Variants in ACBD5 observed in about 807,000 individuals in gnomAD.
ACBD5 encodes acyl-CoA binding domain containing 5, also known as acyl-CoA-binding domain-containing protein 5.
Under a neutral mutation model 71.8 loss-of-function variants are expected in ACBD5, and 40 were observed. The observed-to-expected ratio is 0.56, with a 90% CI of 0.43 to 0.72. The LOEUF (loss-of-function observed/expected upper bound fraction) is 0.72. Ranked by LOEUF, ACBD5 falls within the 30% of genes least tolerant of loss-of-function variation. The probability of loss-of-function intolerance (pLI) is 0.00; values close to 1 mark genes in which losing one functional copy is unlikely to be tolerated. For synonymous variants in ACBD5, 229 were observed against 218.6 expected (o/e 1.05, Z -0.42); for missense variants, 559 against 644.5 (o/e 0.87, Z 1.44).
At chr10:27,212,104 T>A (rs2061148527) in intron 8 of ACBD5, among the ~76,000 whole-genome samples, 2 of 152,112 alleles carry the variant, frequency 1.3e-5, no homozygotes, top group Non-Finnish European at 2.9e-5. Context: ...ATCCCAGCAG[T>A]TTGGGAGGCC....
intron 7 of ACBD5, among the ~76,000 whole-genome samples, chr10:27,216,855 G>A (rs1190783556): frequency 6.6e-6 from 1 of 151,920 alleles, no homozygotes; most frequent in Non-Finnish European, 1.5e-5. Flanking sequence ...ATTACGAAAT[G>A]ATGTTTCTTG....
Position 27,186,020 on chromosome 10 carries a change from C to T in ACBD5, c.1494-3305G>A, listed in dbSNP as rs572274352. On this transcript the variant is annotated intron_variant, in intron 13 of 13. Coordinates refer to the ACBD5 transcript ENST00000676511. Reference sequence around the variant, plus strand: ...AGGAGAATCGCTTGAACCCGGGAGGCGGCGGTTGCAGTGAGCAGAGATCGC... The same window carrying T: ...AGGAGAATCGCTTGAACCCGGGAGGTGGCGGTTGCAGTGAGCAGAGATCGC... Among the ~76,000 whole-genome samples, 75 of 152,136 alleles carry T rather than the reference C, an allele frequency of 4.9e-4. 1 individual carries two copies. Among genetic ancestry groups the T allele is most frequent in the African/African-American group, 1.5e-3 (64 of 41,512 alleles).
rs976789429 is a variant in ACBD5 at position 27,195,469 on chromosome 10, A to G, written c.*1961T>C. 2 of 454,330 alleles carry G rather than the reference A, an allele frequency of 4.4e-6. No individual in the cohort carries two copies. Among genetic ancestry groups the G allele is most frequent in the African/African-American group, 4.0e-5 (2 of 50,020 alleles). The allele number at this position is 454,330 out of a possible 1,614,324, so 28.1% of individuals were successfully genotyped here. A position where few individuals can be genotyped will look rare whatever the true frequency, so the allele number is the denominator to read the frequency against. ...GAGTTAGTTATCCCAGACTGCTTGT[A>G]ATGATTCACAACTGCTTACACTCTT... is the stretch of plus-strand genomic sequence containing the variant. On this transcript the variant is annotated 3_prime_UTR_variant, in exon 13 of 13. Transcript: ENST00000396271.
rs2062098315 is a variant in ACBD5, at chr10:27,219,746, T to G, written c.602A>C (p.Lys201Thr). The G allele has an allele frequency of 3.7e-6, 6 of 1,613,970 alleles. No individual in the cohort carries two copies. The highest frequency in any genetic ancestry group is 5.1e-6 in the Non-Finnish European group (6 of 1,179,974). ...SEEEEAQEEV[K>T]GAEQSDNDKK... Reference sequence around the variant, plus strand: ...ACCATTATCACTTTGTTCTGCTCCTTTCACTTCTTCTTGGGCCTCTTCTTC... The same window carrying G: ...ACCATTATCACTTTGTTCTGCTCCTGTCACTTCTTCTTGGGCCTCTTCTTC... The change falls in exon 6 of 13, where the codon AAA becomes ACA. Residue 201 changes from lysine (K) to threonine (T), a missense_variant. Coordinates refer to ENST00000396271, the MANE Select transcript of ACBD5 (RefSeq NM_145698.5).
At chr10:27,189,222 T>C (rs1386872938) in intron 13 of ACBD5, among the ~76,000 whole-genome samples, 2 of 152,226 alleles carry the variant, frequency 1.3e-5, no homozygotes, top group African/African-American at 4.8e-5. Context: ...TACAAATGTA[T>C]TGTTCTTTGT....
Position 27,231,778 on chromosome 10 carries a change from G to A in ACBD5, c.345C>T (p.Ala115=), listed in dbSNP as rs1384897390. 3.7e-6 allele frequency: 6 copies of A among 1,613,560 alleles called. No individual in the cohort carries two copies. The African/African-American group carries it at 6.7e-5, about 18-fold the overall frequency. ...TCATTTCTTCAACATATGCAATCAT[G>A]GCTTCCTCTTTGGTCATATCACCCA... The part of the protein sequence containing the change: ...SSLGDMTKEE[A]MIAYVEEMKK... Residue 115 remains alanine (A), a synonymous_variant, in exon 4 of 13, where the codon GCC becomes GCT. Coordinates refer to ENST00000396271, the MANE Select transcript of ACBD5 (RefSeq NM_145698.5).
intron 12 of ACBD5, among the ~76,000 whole-genome samples, chr10:27,201,991 T>C (rs1388298010): frequency 6.6e-6 from 1 of 152,134 alleles, no homozygotes; most frequent in African/African-American, 2.4e-5. Flanking sequence ...AGACACTGTT[T>C]TGGGGATGAG....
rs561492625 is a variant in ACBD5, at chr10:27,229,599, C to T, written c.375+2149G>A. Reference sequence around the variant, plus strand: ...ATTTAAGGAGGTAATTTAACAAGTGCTTCAATTAGTAAATTATTGAAATTA... The same window carrying T: ...ATTTAAGGAGGTAATTTAACAAGTGTTTCAATTAGTAAATTATTGAAATTA... On this transcript the variant is annotated intron_variant, in intron 4 of 12. Coordinates refer to ENST00000396271, the MANE Select transcript of ACBD5 (RefSeq NM_145698.5). Among the ~76,000 whole-genome samples, 12 of 152,108 alleles carry T rather than the reference C, an allele frequency of 7.9e-5. No homozygotes were observed. In the South Asian group the frequency reaches 2.5e-3, roughly 32 times the overall value.
At chr10:27,198,263 T>C (rs974629165) in intron 12 of ACBD5, among the ~76,000 whole-genome samples, 20 of 152,280 alleles carry the variant, frequency 1.3e-4, no homozygotes, top group African/African-American at 4.8e-4. Flanking sequence ...GGAAGAGGCA[T>C]ATAAATCCCA....
chr10:27,196,200 A>T lies in ACBD5; in HGVS notation c.*1230T>A, dbSNP rs574589534. 3.7e-5 allele frequency: 14 copies of T among 382,532 alleles called. No homozygotes were observed. The highest frequency in any genetic ancestry group is 6.3e-5 in the African/African-American group (3 of 47,656). The allele number at this position is 382,532 out of a possible 1,614,324, so 23.7% of individuals were successfully genotyped here. The stretch of plus-strand genomic sequence containing the variant: ...GGGCAACAAGAGAGAAACTCCATTT[A>T]AAAAAAAAAATTATTTGTTACAAAG... On this transcript the variant is annotated 3_prime_UTR_variant, in exon 13 of 13. Coordinates refer to ENST00000396271, the MANE Select transcript of ACBD5 (RefSeq NM_145698.5).
In ACBD5 at chr10:27,196,549, CGT is replaced by C. The variant is rs66697989; in HGVS notation, c.*879_*880del. 0.68 allele frequency: 307,649 copies of C among 453,518 alleles called. 104,942 individuals are homozygous for C. The highest frequency in any genetic ancestry group is 0.75 in the Admixed American group (31,830 of 42,398). The allele number at this position is 453,518 out of a possible 1,614,324, so 28.1% of individuals were successfully genotyped here. ...TCATCAGTTGCAGAAAAGTGATTTT[CGT>C]GTGTTTCCTTTTTGACTGTTGTAAA... On this transcript the variant is annotated 3_prime_UTR_variant, in exon 13 of 13. Transcript: ENST00000396271.
chr10:27,202,010 T>C (rs898914364), intron 12 of ACBD5, among the ~76,000 whole-genome samples: 4 of 152,132 alleles, frequency 2.6e-5, no homozygotes, highest in African/African-American at 9.7e-5. Context: ...AGCTATAGGA[T>C]GATCCCTATT....
At chr10:27,194,274 C>T (rs2059208039), downstream of ACBD5, among the ~76,000 whole-genome samples, 3 of 149,404 alleles carry the variant, frequency 2.0e-5, no homozygotes, top group Admixed American at 2.0e-4. Context: ...AAAAAAAAAC[C>T]CTCTCATCAT....
At chr10:27,182,988 ATAAAGT>A in intron 13 of ACBD5, among the ~76,000 whole-genome samples, 1 of 152,228 alleles carries the variant, frequency 6.6e-6, no homozygotes, top group African/African-American at 2.4e-5. Flanking sequence ...TCAAAGCCTG[ATAAAGT>A]TAAGGAAATA....
In ACBD5 at chr10:27,238,188, G is replaced by A. The variant is rs548786159; in HGVS notation, c.181+2131C>T. 4.6e-5 allele frequency among the ~76,000 whole-genome samples: 7 copies of A among 151,996 alleles called. No homozygotes were observed. The South Asian group carries it at 1.2e-3, about 27-fold the overall frequency. On this transcript the variant is annotated intron_variant, in intron 2 of 12. Coordinates refer to ENST00000396271, the MANE Select transcript of ACBD5 (RefSeq NM_145698.5). ...TCTCAATCTCCTGACCTTGTGATCC[G>A]CCAGCCCCGTGATCAGCCCGCCTCA...
intron 13 of ACBD5, among the ~76,000 whole-genome samples, chr10:27,183,166 A>G (rs2058424075): frequency 6.6e-6 from 1 of 152,186 alleles, no homozygotes; most frequent in African/African-American, 2.4e-5. Flanking sequence ...CTCAAGACAA[A>G]CTTGGTATAT....
At chr10:27,183,011 A>G (rs1390039084) in intron 13 of ACBD5, among the ~76,000 whole-genome samples, 2 of 152,124 alleles carry the variant, frequency 1.3e-5, no homozygotes, top group Admixed American at 6.6e-5. Context: ...AATACAGGAA[A>G]TCTTTTTTTA....
chr10:27,224,505 C>A (rs953596423), intron 4 of ACBD5, among the ~76,000 whole-genome samples: 3 of 152,118 alleles, frequency 2.0e-5, no homozygotes, highest in Non-Finnish European at 2.9e-5. Flanking sequence ...TCTAACAGGG[C>A]ACAAAAGTAA....
Position 27,217,958 on chromosome 10 carries a change from CAG to C in ACBD5, c.829+20_829+21del. 6.2e-7 allele frequency: 1 copy of C among 1,609,766 alleles called. No individual in the cohort carries two copies. Among genetic ancestry groups the C allele is most frequent in the East Asian group, 2.2e-5 (1 of 44,846 alleles). On this transcript the variant is annotated intron_variant, in intron 7 of 12. Coordinates refer to ENST00000396271, the MANE Select transcript of ACBD5 (RefSeq NM_145698.5). ...CTATTCATAGGAAAGAGGCTGGACA[CAG>C]AATTATTTGGGGACAATACCTTGGT...
Sources: allele counts gnomAD v4.1 joint callset (sites outside exome capture counted in the v4.1 genomes callset), GRCh38; gene constraint gnomAD v4.1.1; transcripts MANE v1.5; gene names NCBI Gene and HGNC (gene_info 2026-07-23, HGNC 2026-07-21).